The following CIROZ variants were observed in gnomAD, a reference collection of about 807,000 sequenced individuals.
CIROZ encodes the protein ciliated left-right organizer protein containing ZP-N domains, also known as ciliated left-right organizer ZP-N domains-containing protein.
the CIROZ span, among the ~76,000 whole-genome samples, chr1:10,951,144 T>C: frequency 6.6e-6 from 1 of 152,072 alleles, no homozygotes; most frequent in African/African-American, 2.4e-5. Flanking sequence ...CTTTAAAATG[T>C]GAAAACAGGC....
the CIROZ span, among the ~76,000 whole-genome samples, chr1:10,962,513 A>G: frequency 1.3e-5 from 2 of 152,140 alleles, no homozygotes; most frequent in Admixed American, 1.3e-4. Context: ...ATAGATTTCC[A>G]GTTTATCTTG....
chr1:10,957,571 C>T, the CIROZ span: 1 of 1,608,184 alleles, frequency 6.2e-7, no homozygotes, highest in Non-Finnish European at 8.5e-7. Flanking sequence ...TGCTATGCCC[C>T]AGAGGCCCCT....
At chr1:10,947,982 A>T in the CIROZ span, 2 of 1,613,582 alleles carry the variant, frequency 1.2e-6, no homozygotes, top group Non-Finnish European at 1.7e-6. Flanking sequence ...TTCGGGTGTC[A>T]GAAGAGCTGC....
At chr1:10,948,009 G>T in the CIROZ span, 1 of 1,613,526 alleles carries the variant, frequency 6.2e-7, no homozygotes, top group Non-Finnish European at 8.5e-7. Flanking sequence ...AACAGGTTCT[G>T]GTGGCAGAGG....
chr1:10,964,904 T>C, the CIROZ span, among the ~76,000 whole-genome samples: 2 of 152,316 alleles, frequency 1.3e-5, no homozygotes, highest in East Asian at 3.9e-4. Flanking sequence ...GTGCTGGGAT[T>C]ACAGGCGTGA....
the CIROZ span, chr1:10,954,885 G>A: frequency 7.9e-7 from 1 of 1,263,584 alleles, no homozygotes; most frequent in East Asian, 2.4e-5. Context: ...GAGCCACTGT[G>A]ACTGGCCTAC....
At chr1:10,946,948 G>A in the CIROZ span, among the ~76,000 whole-genome samples, 2 of 152,284 alleles carry the variant, frequency 1.3e-5, no homozygotes, top group Admixed American at 6.5e-5. Flanking sequence ...GCTTTCCTAG[G>A]CCTGCAAGCA....
the CIROZ span, chr1:10,957,203 A>C: frequency 1.0e-6 from 1 of 955,074 alleles, no homozygotes; most frequent in Non-Finnish European, 1.5e-6. Flanking sequence ...CCTTCGAATT[A>C]GTCTCTGAAC....
At chr1:10,967,581 C>T in the CIROZ span, among the ~76,000 whole-genome samples, 2 of 152,200 alleles carry the variant, frequency 1.3e-5, no homozygotes, top group Non-Finnish European at 2.9e-5. Context: ...AGTCAAATGT[C>T]AGCTCCATGG....
the CIROZ span, chr1:10,958,819 C>G: frequency 6.4e-7 from 1 of 1,558,726 alleles, no homozygotes; most frequent in Non-Finnish European, 8.8e-7. Flanking sequence ...ACATCCCTGC[C>G]TGTGCCCATC....
the CIROZ span, chr1:10,957,593 A>G: frequency 6.2e-7 from 1 of 1,612,702 alleles, no homozygotes; most frequent in Non-Finnish European, 8.5e-7. Context: ...ACCTCCTGGC[A>G]GAGCCTGCTG....
the CIROZ span, chr1:10,949,874 C>G: frequency 7.0e-7 from 1 of 1,424,350 alleles, no homozygotes; most frequent in Non-Finnish European, 9.4e-7. Context: ...CTCCCAACAC[C>G]CTGCTGAAGG....
the CIROZ span, chr1:10,970,115 G>C: frequency 6.6e-7 from 1 of 1,505,010 alleles, no homozygotes; most frequent in Non-Finnish European, 8.9e-7. Context: ...GGAGGAGGGA[G>C]GGAGGTGGGG....
chr1:10,973,321 A>C, the CIROZ span, among the ~76,000 whole-genome samples: 2 of 152,190 alleles, frequency 1.3e-5, no homozygotes, highest in Non-Finnish European at 2.9e-5. Context: ...TGCAGTGGGC[A>C]GAGATCATAC....
chr1:10,950,296 A>G, the CIROZ span, among the ~76,000 whole-genome samples: 7 of 152,044 alleles, frequency 4.6e-5, no homozygotes, highest in African/African-American at 1.4e-4. Context: ...TGGCCTGTTA[A>G]AGTGCTGGGA....
At chr1:10,957,177 G>T in the CIROZ span, 1 of 1,291,854 alleles carries the variant, frequency 7.7e-7, no homozygotes. Context: ...TCCCTCCACA[G>T]GGGCCCCCTC....
At chr1:10,962,339 C>T in the CIROZ span, among the ~76,000 whole-genome samples, 3 of 151,974 alleles carry the variant, frequency 2.0e-5, no homozygotes, top group East Asian at 2.0e-4. Flanking sequence ...CCCAGCTACT[C>T]GTGAGGCTGA....
chr1:10,951,536 G>A, the CIROZ span, among the ~76,000 whole-genome samples: 2 of 149,936 alleles, frequency 1.3e-5, no homozygotes, highest in Admixed American at 1.3e-4. Flanking sequence ...ACAAGAGTGA[G>A]ACTCTGTCTC....
At chr1:10,970,399 G>A in the CIROZ span, among the ~76,000 whole-genome samples, 137 of 152,210 alleles carry the variant, frequency 9.0e-4, no homozygotes, top group Admixed American at 6.5e-5. Flanking sequence ...AGACCGAGGC[G>A]GGTGGATCAC....
Sources: allele counts gnomAD v4.1 joint callset (sites outside exome capture counted in the v4.1 genomes callset), GRCh38; gene constraint gnomAD v4.1.1; transcripts MANE v1.5; gene names NCBI Gene and HGNC (gene_info 2026-07-23, HGNC 2026-07-21).